Variants in DTNBP1 observed in about 807,000 individuals in gnomAD.
DTNBP1 encodes dystrobrevin binding protein 1.
In DTNBP1, 35 loss-of-function variants were observed where a neutral mutation model predicts 42.8. That is an observed-to-expected ratio of 0.82 (90% CI 0.63 to 1.09). DTNBP1 has a LOEUF of 1.09. DTNBP1 is among the 50% of genes least tolerant of loss of function. DTNBP1 has a pLI of 0.00. For missense variants in DTNBP1, 457 were observed against 424.2 expected, an observed-to-expected ratio of 1.08 and a Z score of -0.68; for synonymous variants, 171 against 162.2, an observed-to-expected ratio of 1.05 and a Z score of -0.41.
At chr6:15,661,818 T>TA (rs1761651366) in intron 1 of DTNBP1, among the ~76,000 whole-genome samples, 1 of 152,240 alleles carries the variant, frequency 6.6e-6, no homozygotes, top group Non-Finnish European at 1.5e-5. Context: ...TAAGTAACAA[T>TA]ACTGACATGA....
intron 9 of DTNBP1, chr6:15,523,908 T>A (rs758749828): frequency 7.8e-7 from 1 of 1,287,234 alleles, no homozygotes; most frequent in South Asian, 1.2e-5. Flanking sequence ...ATGGCTGAGG[T>A]GCTGCTGGGA....
chr6:15,576,311 C>T (rs1247228134), intron 7 of DTNBP1, among the ~76,000 whole-genome samples: 1 of 151,818 alleles, frequency 6.6e-6, no homozygotes, highest in Non-Finnish European at 1.5e-5. Context: ...TTAGTAGAGA[C>T]AGGGTTTCAC....
At chr6:15,605,092 C>G (rs1317208231) in intron 6 of DTNBP1, among the ~76,000 whole-genome samples, 2 of 152,096 alleles carry the variant, frequency 1.3e-5, no homozygotes, top group Admixed American at 1.3e-4. Flanking sequence ...TGGAGAAATT[C>G]TGATGGTATG....
chr6:15,599,702 G>A (rs780695452), intron 6 of DTNBP1, among the ~76,000 whole-genome samples: 2 of 152,096 alleles, frequency 1.3e-5, no homozygotes, highest in African/African-American at 2.4e-5. Flanking sequence ...AAGACATGTC[G>A]TGGTTTTCAA....
chr6:15,639,197 T>C lies in DTNBP1; in HGVS notation c.162-1393A>G, dbSNP rs563639187. Among the ~76,000 whole-genome samples the C allele has an allele frequency of 5.9e-5, 9 of 152,342 alleles. No individual in the cohort carries two copies. The East Asian group carries it at 1.7e-3, about 29-fold the overall frequency. On this transcript the variant is annotated intron_variant, in intron 3 of 9. Coordinates refer to ENST00000344537, the MANE Select transcript of DTNBP1 (RefSeq NM_032122.5). Reference sequence around the variant, plus strand: ...CTATGGATTAAGGTATTTACTAATGTTAATTTTCTGGTTTGATCATTGTAC... The same window carrying C: ...CTATGGATTAAGGTATTTACTAATGCTAATTTTCTGGTTTGATCATTGTAC...
intron 3 of DTNBP1, among the ~76,000 whole-genome samples, chr6:15,642,935 C>T (rs916797069): frequency 2.0e-5 from 3 of 152,186 alleles, no homozygotes; most frequent in African/African-American, 7.2e-5. Context: ...CAAAGGATCA[C>T]ATTAGCTCTC....
rs1776143950 is a variant in DTNBP1, at chr6:15,587,872, C to T, written c.511+5187G>A. On this transcript the variant is annotated intron_variant, in intron 7 of 9. Transcript: ENST00000344537. This position sits in a 1 kb window ranked among gnomAD's most constrained non-coding sequence, Gnocchi z 4.1. ...TCAAGGATGAGGAGAAACTGCAGCC[C>T]TCACACACTGCTGATAGGAACGTAA... is the stretch of plus-strand genomic sequence containing the variant. Among the ~76,000 whole-genome samples, 1 of 152,138 alleles carries T rather than the reference C, an allele frequency of 6.6e-6. No individual in the cohort carries two copies. Among genetic ancestry groups the T allele is most frequent in the African/African-American group, 2.4e-5 (1 of 41,414 alleles).
intron 4 of DTNBP1, among the ~76,000 whole-genome samples, chr6:15,635,475 G>C (rs1018487872): frequency 1.3e-5 from 2 of 152,134 alleles, no homozygotes; most frequent in Non-Finnish European, 1.5e-5. Context: ...TTGCTTGCTT[G>C]TTGTACTTTC....
chr6:15,595,140 A>G (rs1489844594), intron 6 of DTNBP1: 1 of 456,350 alleles, frequency 2.2e-6, no homozygotes, highest in African/African-American at 2.0e-5. Flanking sequence ...AATTTCCAGG[A>G]AACTTCCCTT....
chr6:15,555,909 C>A (rs1001859351), intron 7 of DTNBP1, among the ~76,000 whole-genome samples: 7 of 152,158 alleles, frequency 4.6e-5, no homozygotes, highest in Admixed American at 1.3e-4. Context: ...TGGATTGGGA[C>A]CCATTTCCAG....
intron 1 of DTNBP1, 109 bp downstream of exon 1, chr6:15,662,705 G>C: frequency 6.8e-7 from 1 of 1,469,522 alleles, no homozygotes; most frequent in Non-Finnish European, 9.4e-7. Flanking sequence ...GGGAGGTGCG[G>C]GACAGGACGG....
chr6:15,661,982 G>C (rs1761661750), intron 1 of DTNBP1, among the ~76,000 whole-genome samples: 1 of 152,168 alleles, frequency 6.6e-6, no homozygotes, highest in Non-Finnish European at 1.5e-5. Flanking sequence ...AGGATGCCTA[G>C]GCAATCTGGC....
At chr6:15,536,634 C>G (rs1379712961) in intron 7 of DTNBP1, among the ~76,000 whole-genome samples, 1 of 152,256 alleles carries the variant, frequency 6.6e-6, no homozygotes, top group African/African-American at 2.4e-5. Flanking sequence ...TGCAGGGACA[C>G]AGCCCTCATG....
intron 7 of DTNBP1, among the ~76,000 whole-genome samples, chr6:15,579,192 C>T (rs925324948): frequency 6.6e-6 from 1 of 152,114 alleles, no homozygotes; most frequent in Non-Finnish European, 1.5e-5. Context: ...GGTATGTATA[C>T]ACAATGGAGT....
intron 8 of DTNBP1, among the ~76,000 whole-genome samples, chr6:15,531,457 G>A (rs1418191278): frequency 6.6e-6 from 1 of 152,132 alleles, no homozygotes; most frequent in African/African-American, 2.4e-5. Flanking sequence ...AATGGCAAAG[G>A]CTGACTCCAG....
intron 8 of DTNBP1, among the ~76,000 whole-genome samples, chr6:15,529,664 A>G (rs1392249481): frequency 6.6e-6 from 1 of 152,234 alleles, no homozygotes; most frequent in African/African-American, 2.4e-5. Context: ...CCTGACATCT[A>G]TGGGAACACA....
At chr6:15,544,136 T>C (rs967563045) in intron 7 of DTNBP1, among the ~76,000 whole-genome samples, 2 of 152,242 alleles carry the variant, frequency 1.3e-5, no homozygotes, top group African/African-American at 4.8e-5. Context: ...TCTATAATTA[T>C]GTTATTTCAT....
At chr6:15,616,754 T>A (rs1046331415) in intron 5 of DTNBP1, among the ~76,000 whole-genome samples, 4 of 152,226 alleles carry the variant, frequency 2.6e-5, no homozygotes, top group African/African-American at 9.6e-5. Flanking sequence ...TTTTTGCCGT[T>A]TTTTGAAGTC....
intron 3 of DTNBP1, among the ~76,000 whole-genome samples, chr6:15,640,757 T>C (rs942500740): frequency 1.3e-5 from 2 of 152,194 alleles, no homozygotes; most frequent in African/African-American, 4.8e-5. Flanking sequence ...CTGATGTAAC[T>C]ATTTTGGGAC....
Sources: allele counts gnomAD v4.1 joint callset (sites outside exome capture counted in the v4.1 genomes callset), GRCh38; gene constraint gnomAD v4.1.1; non-coding constraint Gnocchi (gnomAD v3.1); transcripts MANE v1.5; gene names NCBI Gene and HGNC (gene_info 2026-07-23, HGNC 2026-07-21).